MEF2D: variants seen among roughly 807,000 people sequenced by gnomAD.
MEF2D encodes the protein myocyte enhancer factor 2D.
MEF2D carries 10 observed loss-of-function variants against 59.3 expected under a neutral mutation model. That is an observed-to-expected ratio of 0.17 (90% CI 0.10 to 0.29). The LOEUF (loss-of-function observed/expected upper bound fraction) is 0.29, where lower values mean the gene tolerates loss of function less well. Among genes scored for constraint, MEF2D ranks in the 10% least tolerant of loss-of-function variants. The pLI, the probability that MEF2D is intolerant of heterozygous loss-of-function variation, is 1.00. For missense variants in MEF2D, 508 were observed against 699.4 expected (o/e 0.73, Z 3.09); for synonymous variants, 305 against 295.0 (o/e 1.03, Z -0.35).
intron 1 of MEF2D, among the ~76,000 whole-genome samples, chr1:156,490,185 C>G (rs1672693512): frequency 6.6e-6 from 1 of 152,170 alleles, no homozygotes; most frequent in African/African-American, 2.4e-5. Flanking sequence ...ATTCTCACAA[C>G]CCCTCCTGCG....
chr1:156,495,092 TCA>T (rs542337986), intron 1 of MEF2D, among the ~76,000 whole-genome samples: 287 of 152,286 alleles, frequency 1.9e-3, no homozygotes, highest in African/African-American at 6.4e-3. Context: ...GTTCCTGCCC[TCA>T]CACCCTTGCT....
At chr1:156,469,145 GA>G in intron 9 of MEF2D, 125 bp from the exon 10 acceptor site, 1 of 1,301,978 alleles carries the variant, frequency 7.7e-7, no homozygotes, top group Non-Finnish European at 1.0e-6. Context: ...CAGATGTAAG[GA>G]ATTCAAGAAG....
chr1:156,488,583 T>C (rs116093625), intron 1 of MEF2D, among the ~76,000 whole-genome samples: 1,731 of 152,294 alleles, frequency 0.011, 19 homozygotes, highest in Non-Finnish European at 0.015. Context: ...TGTGTTTACA[T>C]GCAAATGAGC....
At chr1:156,481,499 G>A (rs1672015752) in intron 3 of MEF2D, among the ~76,000 whole-genome samples, 1 of 152,178 alleles carries the variant, frequency 6.6e-6, no homozygotes, top group Admixed American at 6.5e-5. Context: ...AAAAGGAAAG[G>A]GGGATGAACA....
At chr1:156,499,424 G>A (rs531257799) in intron 1 of MEF2D, 2 of 152,258 alleles carry the variant, frequency 1.3e-5, no homozygotes, top group East Asian at 1.9e-4. Context: ...CCATTCAGAA[G>A]GGCAAACCTG....
chr1:156,481,054 GC>G, intron 3 of MEF2D, 83 bp from the exon 4 acceptor site: 3 of 1,580,744 alleles, frequency 1.9e-6, no homozygotes, highest in Non-Finnish European at 2.6e-6. Context: ...CTCCCTAAGG[GC>G]CCCCTACTCT....
At chr1:156,490,109 C>G (rs1269052500) in intron 1 of MEF2D, among the ~76,000 whole-genome samples, 4 of 152,066 alleles carry the variant, frequency 2.6e-5, no homozygotes, top group Admixed American at 6.5e-5. Context: ...GGGGCATTAC[C>G]CCTCCGAAGT....
Position 156,467,472 on chromosome 1 carries a change from TATAATA to T in MEF2D, c.*167_*172del, listed in dbSNP as rs748414721. The T allele has an allele frequency of 2.9e-5, 9 of 315,748 alleles. No homozygotes were observed. Among genetic ancestry groups the T allele is most frequent in the Admixed American group, 1.0e-4 (2 of 19,676 alleles). 19.6% of individuals were successfully genotyped at this position (315,748 alleles called of 1,614,324 possible). On this transcript the variant is annotated 3_prime_UTR_variant, in exon 12 of 12. Coordinates refer to ENST00000348159, the MANE Select transcript of MEF2D (RefSeq NM_005920.4). The stretch of plus-strand genomic sequence containing the variant: ...AAGCGAGAATCCAAATTAAAAAAAA[TATAATA>T]ATAATAATAATAATATAATAATTAT...
intron 2 of MEF2D, 123 bp downstream of exon 2, chr1:156,483,116 C>T: frequency 9.7e-7 from 1 of 1,026,096 alleles, no homozygotes; most frequent in South Asian, 1.4e-5. Flanking sequence ...TCTCCCTTCC[C>T]CTTCTGTAAT....
chr1:156,489,970 C>T (rs750191183), intron 1 of MEF2D, among the ~76,000 whole-genome samples: 1 of 152,216 alleles, frequency 6.6e-6, no homozygotes, highest in Non-Finnish European at 1.5e-5. Flanking sequence ...AGTACAGAGA[C>T]ACAGGCTAAG....
At chr1:156,472,848 TACAGGC>T (rs890639042) in intron 9 of MEF2D, among the ~76,000 whole-genome samples, 2 of 152,146 alleles carry the variant, frequency 1.3e-5, no homozygotes, top group African/African-American at 4.8e-5. Flanking sequence ...TAGCTGGGAT[TACAGGC>T]ACATGCCACT....
intron 9 of MEF2D, among the ~76,000 whole-genome samples, chr1:156,472,457 G>C (rs1437495916): frequency 6.6e-6 from 1 of 152,262 alleles, no homozygotes; most frequent in Non-Finnish European, 1.5e-5. Context: ...ACAAGCCAGA[G>C]TCTGGTCCCT....
rs1670871025 is a variant in MEF2D at position 156,466,732 on chromosome 1, C to T, written c.*913G>A. On this transcript the variant is annotated 3_prime_UTR_variant, in exon 12 of 12. Transcript: ENST00000348159. ...AGACCCTCTCCCCATTCTCCCTGCA[C>T]ACTGTGGCCAGCTTTACAGGGCTGG... is the stretch of plus-strand genomic sequence containing the variant. 6.5e-6 allele frequency: 1 copy of T among 152,826 alleles called. No homozygotes were observed. The highest frequency in any genetic ancestry group is 2.1e-4 in the South Asian group (1 of 4,840). The allele number at this position is 152,826 out of a possible 1,614,324, so 9.5% of individuals were successfully genotyped here.
chr1:156,464,143 G>C lies in MEF2D; in HGVS notation c.*3502C>G, dbSNP rs1207739031. The C allele has an allele frequency of 2.6e-5, 4 of 152,612 alleles. No homozygotes were observed. Among genetic ancestry groups the C allele is most frequent in the African/African-American group, 9.7e-5 (4 of 41,410 alleles). The allele number at this position is 152,612 out of a possible 1,614,324, so 9.5% of individuals were successfully genotyped here. ...CCAACTGCTTTAAGGGGTGGGGAGA[G>C]GCAGCAGAGGGGAGAACAAGGAGTT... On this transcript the variant is annotated 3_prime_UTR_variant, in exon 12 of 12. Coordinates refer to ENST00000348159, the MANE Select transcript of MEF2D (RefSeq NM_005920.4).
At chr1:156,479,562 C>G (rs1413096653) in intron 5 of MEF2D, 24 bp downstream of exon 5, 1 of 1,549,530 alleles carries the variant, frequency 6.5e-7, no homozygotes, top group Non-Finnish European at 8.7e-7. Context: ...TCCACCTCAC[C>G]TACCCACCTG....
intron 8 of MEF2D, among the ~76,000 whole-genome samples, chr1:156,476,271 G>A (rs538182858): frequency 2.8e-4 from 42 of 152,282 alleles, no homozygotes; most frequent in African/African-American, 9.1e-4. Flanking sequence ...AGACATTCAT[G>A]TACACACAGG....
At chr1:156,470,177 T>C (rs1362277967) in intron 9 of MEF2D, among the ~76,000 whole-genome samples, 3 of 152,254 alleles carry the variant, frequency 2.0e-5, no homozygotes, top group Non-Finnish European at 4.4e-5. Flanking sequence ...TTTCATGCTG[T>C]ATCCTGTTTG....
Position 156,467,988 on chromosome 1 carries a change from A to T in MEF2D, c.1554+5T>A. The T allele has an allele frequency of 6.2e-7, 1 of 1,608,662 alleles. No homozygotes were observed. Among genetic ancestry groups the T allele is most frequent in the Non-Finnish European group, 8.5e-7 (1 of 1,178,024 alleles). ...TGGCAGACAGGAGAGGTGATGCTAC[A>T]GTACCCAGGTATCAAGCCGCATCCT... On this transcript the variant is annotated splice_donor_5th_base_variant and intron_variant, in intron 11 of 11. Coordinates refer to ENST00000348159, the MANE Select transcript of MEF2D (RefSeq NM_005920.4).
chr1:156,476,294 C>T (rs1671569898), intron 8 of MEF2D, among the ~76,000 whole-genome samples, 200 bp downstream of exon 8: 1 of 152,210 alleles, frequency 6.6e-6, no homozygotes, highest in African/African-American at 2.4e-5. Context: ...CACACACACA[C>T]GTCTGACCTC....
Sources: gnomAD v4.1 joint callset for allele counts (sites outside exome capture counted in the v4.1 genomes callset) on GRCh38, gnomAD v4.1.1 for gene constraint, MANE v1.5 for transcripts, NCBI Gene and HGNC (gene_info 2026-07-23, HGNC 2026-07-21) for gene names.